The following COL5A1 variants were observed in gnomAD, a reference collection of about 807,000 sequenced individuals.
COL5A1 encodes collagen type V alpha 1 chain.
In COL5A1, 16 loss-of-function variants were observed where a neutral mutation model predicts 263.7. The observed-to-expected ratio is 0.06, with a 90% CI of 0.04 to 0.09. The LOEUF (loss-of-function observed/expected upper bound fraction) is 0.09. COL5A1 is among the 10% of genes least tolerant of loss of function. The probability of loss-of-function intolerance (pLI) is 1.00; values close to 1 mark genes in which losing one functional copy is unlikely to be tolerated. For synonymous variants in COL5A1, 1,012 were observed against 1,004.5 expected, an observed-to-expected ratio of 1.01 and a Z score of -0.14; for missense variants, 2,036 against 2,540.5, an observed-to-expected ratio of 0.80 and a Z score of 4.27.
intron 18 of COL5A1, among the ~76,000 whole-genome samples, chr9:134,759,641 TAC>T (rs200002520): frequency 6.2e-5 from 4 of 64,440 alleles, no homozygotes; most frequent in Non-Finnish European, 9.7e-5. Context: ...CCCATATTCA[TAC>T]ACACATGCAC....
intron 59 of COL5A1, 57 bp downstream of exon 59, chr9:134,822,207 G>A (rs1839035524): frequency 1.5e-6 from 2 of 1,342,396 alleles, no homozygotes; most frequent in Non-Finnish European, 2.1e-6. Context: ...GTGGGGATAA[G>A]CCTTGGGGCC....
chr9:134,752,225 C>T (rs535429280), intron 13 of COL5A1, among the ~76,000 whole-genome samples: 176 of 151,340 alleles, frequency 1.2e-3, no homozygotes, highest in African/African-American at 3.9e-3. Context: ...AATGTACTCC[C>T]TATGCCCAGA....
intron 4 of COL5A1, chr9:134,708,894 G>A (rs1234305977): frequency 6.6e-6 from 3 of 456,538 alleles, no homozygotes; most frequent in South Asian, 1.5e-5. Context: ...TTCCAGCCCC[G>A]GGTGGCCCCA....
At position 134,756,753 on chromosome 9, in the gene COL5A1, C is replaced by T. The variant is rs747523137; in HGVS notation, c.1828-12C>T. On this transcript the variant is annotated splice_polypyrimidine_tract_variant and intron_variant, in intron 16 of 65. Coordinates refer to ENST00000371817, the MANE Select transcript of COL5A1 (RefSeq NM_000093.5). ...CTCTTTTGCATTGACGGTTTTGCCT[C>T]CTTTGTTCCAGGGTCGGGCTGGGAG... 4 of 1,613,992 alleles carry T rather than the reference C, an allele frequency of 2.5e-6. No individual in the cohort carries two copies. In the South Asian group the frequency reaches 4.4e-5, roughly 18 times the overall value.
chr9:134,774,780 G>A lies in COL5A1; in HGVS notation c.2332-79G>A, dbSNP rs181240836. ...CTGCTCTCAGCAGGAGGGGTATGCC[G>A]AACTCTGGAGTTTCCTGATGTTCCC... On this transcript the variant is annotated intron_variant, in intron 26 of 65. Transcript: ENST00000371817. The A allele has an allele frequency of 3.8e-5, 56 of 1,459,060 alleles. No individual in the cohort carries two copies. The African/African-American group carries it at 6.3e-4, about 16-fold the overall frequency. The allele number at this position is 1,459,060 out of a possible 1,614,324, so 90.4% of individuals were successfully genotyped here.
intron 9 of COL5A1, among the ~76,000 whole-genome samples, chr9:134,736,283 T>A (rs1305345476): frequency 6.6e-6 from 1 of 152,236 alleles, no homozygotes; most frequent in Non-Finnish European, 1.5e-5. Context: ...TGGCCCACAG[T>A]TCTGGAGGTC....
rs543075879 is a variant in COL5A1, at chr9:134,772,944, G to A, written c.2331+110G>A. On this transcript the variant is annotated intron_variant, in intron 26 of 65. Transcript: ENST00000371817. ...ATCCAGCTTGGAAAGGAAGGAGCCG[G>A]GGACACTCAGCCCTTCCTCAGGTGT... The A allele has an allele frequency of 3.5e-5, 40 of 1,151,810 alleles. No homozygotes were observed. In the African/African-American group the frequency reaches 3.5e-4, roughly 10 times the overall value. The allele number at this position is 1,151,810 out of a possible 1,614,324, so 71.3% of individuals were successfully genotyped here. A position where few individuals can be genotyped will look rare whatever the true frequency, so the allele number is the denominator to read the frequency against.
intron 36 of COL5A1, among the ~76,000 whole-genome samples, chr9:134,797,607 C>T (rs1399876588): frequency 5.3e-5 from 8 of 152,192 alleles, no homozygotes; most frequent in Admixed American, 1.3e-4. Flanking sequence ...CTCAGCCTCC[C>T]GAGTAGCTGG....
At chr9:134,802,424 G>A (rs1222157996) in intron 38 of COL5A1, among the ~76,000 whole-genome samples, 11 of 152,234 alleles carry the variant, frequency 7.2e-5, no homozygotes, top group Admixed American at 7.2e-4. Flanking sequence ...AGGATTGATG[G>A]CTTAGAGCTG....
chr9:134,815,674 G>T, intron 51 of COL5A1, 45 bp downstream of exon 51: 1 of 1,599,182 alleles, frequency 6.3e-7, no homozygotes, highest in Admixed American at 1.7e-5. Flanking sequence ...CCACAGTGCT[G>T]GCCTGCCTCT....
chr9:134,702,561 A>G (rs2132576279), intron 4 of COL5A1, among the ~76,000 whole-genome samples: 1 of 152,360 alleles, frequency 6.6e-6, no homozygotes, highest in East Asian at 1.9e-4. Context: ...CGAAGGAGAC[A>G]TCACACGTAC....
intron 59 of COL5A1, 129 bp downstream of exon 59, chr9:134,822,279 G>A: frequency 1.3e-6 from 1 of 785,340 alleles, no homozygotes; most frequent in South Asian, 1.6e-5. Context: ...GGGCCTCCAG[G>A]GTGGATTTGC....
At chr9:134,753,638 A>G (rs1835868888) in intron 14 of COL5A1, among the ~76,000 whole-genome samples, 1 of 152,164 alleles carries the variant, frequency 6.6e-6, no homozygotes, top group Non-Finnish European at 1.5e-5. Context: ...CCTGATTAGG[A>G]AGAGATCCAA....
chr9:134,666,373 G>A (rs1301856075), intron 1 of COL5A1, among the ~76,000 whole-genome samples: 2 of 146,400 alleles, frequency 1.4e-5, no homozygotes, highest in East Asian at 1.9e-4. Context: ...GGGCCATTCT[G>A]CTCAGGCCCA....
intron 30 of COL5A1, 52 bp downstream of exon 30, chr9:134,785,148 C>CT (rs1200635612): frequency 1.4e-6 from 2 of 1,468,002 alleles, no homozygotes; most frequent in Admixed American, 3.4e-5. Context: ...CTGACAGGCC[C>CT]TTCCCCATGG....
chr9:134,751,950 A>G (rs73568481), intron 13 of COL5A1, among the ~76,000 whole-genome samples: 26,209 of 152,164 alleles, frequency 0.17, 2,437 homozygotes, highest in East Asian at 0.34. Context: ...AGCTAAATGG[A>G]TGATAGGCTA....
chr9:134,825,406 C>T (rs1839224674), intron 62 of COL5A1, among the ~76,000 whole-genome samples: 1 of 152,178 alleles, frequency 6.6e-6, no homozygotes, highest in Non-Finnish European at 1.5e-5. Context: ...TTGAATGTTC[C>T]CCCTGCAAGA....
Position 134,765,488 on chromosome 9 carries a change from A to G in COL5A1, c.2035-193A>G, listed in dbSNP as rs576558875. Among the ~76,000 whole-genome samples the G allele has an allele frequency of 5.3e-5, 8 of 151,862 alleles. No homozygotes were observed. Among genetic ancestry groups the G allele is most frequent in the Admixed American group, 3.3e-4 (5 of 15,266 alleles). On this transcript the variant is annotated intron_variant, in intron 20 of 65. Transcript: ENST00000371817. The surrounding 1 kb of genome is among the most constrained non-coding windows in gnomAD (Gnocchi z 5.1). ...TCCAGACACCTGCCCCTGGTTCCCA[A>G]CACCAGGGTGGGGTGGAGGGAGGCA...
rs762823048 is a variant in COL5A1 at position 134,758,332 on chromosome 9, T to C, written c.1935+36T>C. The C allele has an allele frequency of 3.5e-5, 57 of 1,606,810 alleles. No homozygotes were observed. The highest frequency in any genetic ancestry group is 4.5e-5 in the Non-Finnish European group (53 of 1,173,636). On this transcript the variant is annotated intron_variant, in intron 18 of 65. Coordinates refer to ENST00000371817, the MANE Select transcript of COL5A1 (RefSeq NM_000093.5). This position sits in a 1 kb window ranked among gnomAD's most constrained non-coding sequence, Gnocchi z 4.1. ...CCTCTGTGAGACACAGGCATGACGA[T>C]GGGCAGCAGAGGTGTCTCTCGGGAG...
Sources: allele counts gnomAD v4.1 joint callset (sites outside exome capture counted in the v4.1 genomes callset), GRCh38; gene constraint gnomAD v4.1.1; non-coding constraint Gnocchi (gnomAD v3.1); transcripts MANE v1.5; gene names NCBI Gene and HGNC (gene_info 2026-07-23, HGNC 2026-07-21).